ANKS1B: variants seen among roughly 807,000 people sequenced by gnomAD.
ANKS1B encodes ankyrin repeat and sterile alpha motif domain-containing protein 1B.
In ANKS1B, 36 loss-of-function variants were observed where a neutral mutation model predicts 148.3. The ratio of observed to expected loss-of-function variants is 0.24; its 90% confidence interval spans 0.19 to 0.32. ANKS1B has a LOEUF of 0.32. Among genes scored for constraint, ANKS1B ranks in the 10% least tolerant of loss-of-function variants. The pLI, the probability that ANKS1B is intolerant of heterozygous loss-of-function variation, is 1.00. For synonymous variants in ANKS1B, 542 were observed against 560.8 expected (o/e 0.97, Z 0.47); for missense variants, 1,157 against 1,542.6 (o/e 0.75, Z 4.19).
intron 13 of ANKS1B, 30 bp from the exon 14 acceptor site, chr12:99,244,444 T>C: frequency 2.1e-6 from 3 of 1,413,152 alleles, no homozygotes; most frequent in Non-Finnish European, 3.0e-6. Flanking sequence ...TTTAAATGGA[T>C]TGTTACATTC....
At chr12:99,189,080 T>A (rs978691790) in intron 14 of ANKS1B, among the ~76,000 whole-genome samples, 1 of 152,076 alleles carries the variant, frequency 6.6e-6, no homozygotes. Context: ...ATAAATAAAC[T>A]AGAAAATCTA....
intron 12 of ANKS1B, among the ~76,000 whole-genome samples, chr12:99,259,638 G>A (rs7955142): frequency 0.29 from 44,504 of 152,130 alleles, 7,509 homozygotes; most frequent in African/African-American, 0.46. Context: ...CAGCTGCTAA[G>A]CTGCCTGGGC....
intron 17 of ANKS1B, among the ~76,000 whole-genome samples, chr12:98,931,163 T>A (rs928135339): frequency 3.9e-5 from 6 of 152,178 alleles, no homozygotes; most frequent in African/African-American, 1.4e-4. Context: ...CACTGGTGAC[T>A]TGAGTTGTTG....
intron 10 of ANKS1B, among the ~76,000 whole-genome samples, chr12:99,483,487 G>A (rs181179157): frequency 1.3e-5 from 2 of 151,766 alleles, no homozygotes; most frequent in Admixed American, 6.6e-5. Context: ...TCCTGGTTTG[G>A]GCATCAGGCT....
At chr12:99,408,627 T>C (rs2094587307) in intron 11 of ANKS1B, among the ~76,000 whole-genome samples, 1 of 145,616 alleles carries the variant, frequency 6.9e-6, no homozygotes, top group African/African-American at 2.6e-5. Flanking sequence ...CCAGAATATG[T>C]AAGGAGATCA....
intron 14 of ANKS1B, among the ~76,000 whole-genome samples, chr12:99,197,675 CTT>C (rs1271302809): frequency 6.6e-6 from 1 of 152,098 alleles, no homozygotes; most frequent in Admixed American, 6.6e-5. Flanking sequence ...CCATTGCTGG[CTT>C]TAAAAATGGA....
intron 1 of ANKS1B, among the ~76,000 whole-genome samples, chr12:99,961,837 T>C (rs535307074): frequency 6.6e-6 from 1 of 152,152 alleles, no homozygotes; most frequent in Non-Finnish European, 1.5e-5. Context: ...GTTCTGCTGA[T>C]GAATGTCACA....
intron 8 of ANKS1B, among the ~76,000 whole-genome samples, chr12:99,675,764 T>A (rs981143656): frequency 6.6e-5 from 10 of 152,154 alleles, no homozygotes; most frequent in African/African-American, 1.2e-4. Flanking sequence ...AATCTAAATG[T>A]TTAACCATAG....
intron 17 of ANKS1B, among the ~76,000 whole-genome samples, chr12:98,851,231 T>C (rs2099523531): frequency 6.6e-6 from 1 of 152,186 alleles, no homozygotes; most frequent in South Asian, 2.1e-4. Context: ...TACTTATTGC[T>C]TTGAGAAGCT....
chr12:99,684,809 A>C (rs2098640378), intron 8 of ANKS1B, among the ~76,000 whole-genome samples: 1 of 152,160 alleles, frequency 6.6e-6, no homozygotes, highest in Non-Finnish European at 1.5e-5. Flanking sequence ...CAAAGCAAAC[A>C]AAAATATAAT....
At chr12:99,726,358 C>A (rs1290098839) in intron 8 of ANKS1B, among the ~76,000 whole-genome samples, 1 of 152,156 alleles carries the variant, frequency 6.6e-6, no homozygotes, top group African/African-American at 2.4e-5. Context: ...ATAAACACCT[C>A]TATGCAAATA....
intron 17 of ANKS1B, among the ~76,000 whole-genome samples, chr12:98,855,830 T>C (rs951223425): frequency 3.3e-5 from 5 of 152,120 alleles, no homozygotes; most frequent in Non-Finnish European, 7.4e-5. Context: ...CCTTTTTTTT[T>C]ACTACTGGCA....
chr12:99,805,788 C>T (rs753519190), intron 4 of ANKS1B, among the ~76,000 whole-genome samples: 7 of 151,544 alleles, frequency 4.6e-5, no homozygotes, highest in Non-Finnish European at 1.0e-4. Flanking sequence ...TTCTGAGTGT[C>T]CTTAGGCATA....
chr12:98,928,421 G>T (rs528601237), intron 17 of ANKS1B, among the ~76,000 whole-genome samples: 64 of 151,992 alleles, frequency 4.2e-4, no homozygotes, highest in Admixed American at 1.2e-3. Context: ...GAATACTTCT[G>T]AACTGATTCT....
chr12:98,820,312 T>C (rs1376825144), intron 19 of ANKS1B, among the ~76,000 whole-genome samples: 1 of 152,230 alleles, frequency 6.6e-6, no homozygotes, highest in Non-Finnish European at 1.5e-5. Flanking sequence ...CATGCCTCAG[T>C]TTCCTCCTTA....
At chr12:99,684,175 T>G (rs11109995) in intron 8 of ANKS1B, among the ~76,000 whole-genome samples, 18,289 of 152,038 alleles carry the variant, frequency 0.12, 1,724 homozygotes, top group East Asian at 0.46. Context: ...AAACTGTCAC[T>G]GGTCACCAAT....
At chr12:99,127,462 G>GA (rs1238389530) in intron 15 of ANKS1B, among the ~76,000 whole-genome samples, 5 of 151,782 alleles carry the variant, frequency 3.3e-5, no homozygotes, top group East Asian at 1.9e-4. Context: ...TTTCCAGTGG[G>GA]AAAAAAAACT....
chr12:98,870,244 G>C (rs990572017), intron 17 of ANKS1B, among the ~76,000 whole-genome samples: 1 of 152,210 alleles, frequency 6.6e-6, no homozygotes, highest in Admixed American at 6.5e-5. Flanking sequence ...TGTGCTTTCG[G>C]GATCACTGTG....
chr12:99,464,135 A>T (rs538374796), intron 10 of ANKS1B, among the ~76,000 whole-genome samples: 24 of 152,316 alleles, frequency 1.6e-4, no homozygotes, highest in Admixed American at 1.4e-3. Flanking sequence ...GCGGTTGATG[A>T]AAATCCACTG....
Sources: allele counts gnomAD v4.1 joint callset (sites outside exome capture counted in the v4.1 genomes callset), GRCh38; gene constraint gnomAD v4.1.1; transcripts MANE v1.5; gene names NCBI Gene and HGNC (gene_info 2026-07-23, HGNC 2026-07-21).